Variants in WWOX observed in about 807,000 individuals in gnomAD.
WWOX encodes the protein WW domain containing oxidoreductase, also known as WW domain-containing oxidoreductase.
A neutral mutation model predicts 46.2 loss-of-function variants in WWOX; 69 were observed. The observed-to-expected ratio is 1.49, with a 90% confidence interval of 1.23 to 1.82. The LOEUF (loss-of-function observed/expected upper bound fraction) is 1.82, where lower values mean the gene tolerates loss of function less well. WWOX is among the 40% of genes most tolerant of loss of function. The pLI, the probability that WWOX is intolerant of heterozygous loss-of-function variation, is 0.00. For missense variants in WWOX, 919 were observed against 542.6 expected (o/e 1.69, Z -6.89); for synonymous variants, 359 against 202.6 (o/e 1.77, Z -6.56).
intron 5 of WWOX, among the ~76,000 whole-genome samples, chr16:78,296,973 A>G (rs2079952845): frequency 6.6e-6 from 1 of 152,146 alleles, no homozygotes; most frequent in Non-Finnish European, 1.5e-5. Flanking sequence ...TCTTTTGCTT[A>G]TTTGCTAATG....
intron 8 of WWOX, among the ~76,000 whole-genome samples, chr16:79,184,273 A>T (rs1167892876): frequency 6.6e-6 from 1 of 152,230 alleles, no homozygotes; most frequent in Non-Finnish European, 1.5e-5. Flanking sequence ...CACACAGAAG[A>T]GTCCAATTTT....
At chr16:78,991,438 A>T (rs1182996612) in intron 8 of WWOX, among the ~76,000 whole-genome samples, 2 of 151,502 alleles carry the variant, frequency 1.3e-5, no homozygotes, top group East Asian at 1.9e-4. Context: ...TATAAATAAT[A>T]AAAAAATTAA....
At chr16:78,634,892 G>A (rs375378045) in intron 8 of WWOX, among the ~76,000 whole-genome samples, 9 of 149,360 alleles carry the variant, frequency 6.0e-5, no homozygotes, top group Non-Finnish European at 8.9e-5. Flanking sequence ...ATGTGTATAC[G>A]CTGGTGTTTA....
rs369650265 is a variant in WWOX at position 78,660,181 on chromosome 16, T to C, written c.1056+227429T>C. 2.0e-5 allele frequency among the ~76,000 whole-genome samples: 3 copies of C among 152,208 alleles called. No individual in the cohort carries two copies. In the East Asian group the frequency reaches 5.8e-4, roughly 29 times the overall value. On this transcript the variant is annotated intron_variant, in intron 8 of 8. Coordinates refer to ENST00000566780, the MANE Select transcript of WWOX (RefSeq NM_016373.4). ...TGTGGACTGTGCTGCTTTTTTTGTTTTTAATTACAGGTTATATAAAATATT... is the reference window on the plus strand; with the variant it reads ...TGTGGACTGTGCTGCTTTTTTTGTTCTTAATTACAGGTTATATAAAATATT...
intron 1 of WWOX, among the ~76,000 whole-genome samples, chr16:78,105,687 T>G (rs1342221618): frequency 6.6e-6 from 1 of 152,240 alleles, no homozygotes; most frequent in East Asian, 1.9e-4. Context: ...GGGCCAGGCA[T>G]GAGGCTACAT....
At chr16:78,871,368 T>G (rs1431217879) in intron 8 of WWOX, among the ~76,000 whole-genome samples, 1 of 152,150 alleles carries the variant, frequency 6.6e-6, no homozygotes, top group Admixed American at 6.5e-5. Context: ...ATGCCTGGAT[T>G]AAAGCCTTGT....
chr16:79,042,354 G>A (rs1274374139), intron 8 of WWOX, among the ~76,000 whole-genome samples: 1 of 152,264 alleles, frequency 6.6e-6, no homozygotes. Context: ...TGACTTTGTT[G>A]CCTAGCAGGG....
chr16:78,214,716 C>G (rs1567433243), intron 5 of WWOX, among the ~76,000 whole-genome samples: 1 of 152,128 alleles, frequency 6.6e-6, no homozygotes, highest in East Asian at 1.9e-4. Flanking sequence ...ACGCTCCATT[C>G]AGTTTGACCC....
intron 5 of WWOX, among the ~76,000 whole-genome samples, chr16:78,200,114 TCGC>T (rs1434957106): frequency 6.6e-6 from 1 of 152,132 alleles, no homozygotes; most frequent in Non-Finnish European, 1.5e-5. Context: ...TTACTGAGTG[TCGC>T]CAAGAGATTT....
rs79612478 is a variant in WWOX, at chr16:78,810,354, T to G, written c.1056+377602T>G. On this transcript the variant is annotated intron_variant, in intron 8 of 8. Transcript: ENST00000566780. ...TACCCTGCCTCATATGATCAGCCGG[T>G]ATATTTATGTGGACACATGCAGCCA... is the stretch of plus-strand genomic sequence containing the variant. Among the ~76,000 whole-genome samples, 1,231 of 152,312 alleles carry G rather than the reference T, an allele frequency of 8.1e-3. 16 individuals are homozygous for G. Among genetic ancestry groups the G allele is most frequent in the African/African-American group, 0.028 (1,175 of 41,570 alleles).
chr16:78,809,323 A>G lies in WWOX; in HGVS notation c.1056+376571A>G, dbSNP rs187869358. Among the ~76,000 whole-genome samples the G allele has an allele frequency of 7.9e-5, 12 of 151,806 alleles. No individual in the cohort carries two copies. The East Asian group carries it at 9.7e-4, about 12-fold the overall frequency. On this transcript the variant is annotated intron_variant, in intron 8 of 8. Transcript: ENST00000566780. ...CCAATAGAGATCTTGAAAAAAAAAAAAAAAAAGAAAAAACCACCGTGGTAT... is the reference window on the plus strand; with the variant it reads ...CCAATAGAGATCTTGAAAAAAAAAAGAAAAAAGAAAAAACCACCGTGGTAT...
At chr16:79,169,934 C>A (rs767921486) in intron 8 of WWOX, among the ~76,000 whole-genome samples, 1 of 152,152 alleles carries the variant, frequency 6.6e-6, no homozygotes, top group African/African-American at 2.4e-5. Context: ...GATGGCCATG[C>A]ACAGTGGCTC....
intron 8 of WWOX, among the ~76,000 whole-genome samples, chr16:79,020,510 C>T (rs1321666584): frequency 1.3e-5 from 2 of 152,164 alleles, no homozygotes. Context: ...CAACAGTAAT[C>T]CAACCACAGT....
chr16:78,197,302 C>A (rs538356119), intron 5 of WWOX, among the ~76,000 whole-genome samples: 1 of 152,168 alleles, frequency 6.6e-6, no homozygotes, highest in African/African-American at 2.4e-5. Flanking sequence ...GTTTCTAATA[C>A]GATATTATAC....
intron 8 of WWOX, among the ~76,000 whole-genome samples, chr16:78,802,719 C>G (rs536074691): frequency 2.0e-5 from 3 of 151,470 alleles, no homozygotes; most frequent in African/African-American, 7.3e-5. Context: ...AGTTCAAGAT[C>G]AGCCTGGGCA....
Position 78,528,041 on chromosome 16 carries a change from C to T in WWOX, c.1056+95289C>T, listed in dbSNP as rs1412348575. Among the ~76,000 whole-genome samples the T allele has an allele frequency of 6.6e-5, 7 of 105,474 alleles. No homozygotes were observed. The East Asian group carries it at 1.3e-3, about 19-fold the overall frequency. The allele number at this position is 105,474 out of a possible 152,430, so 69.2% of individuals were successfully genotyped here. A position where few individuals can be genotyped will look rare whatever the true frequency, so the allele number is the denominator to read the frequency against. On this transcript the variant is annotated intron_variant, in intron 8 of 8. Transcript: ENST00000566780. ...TGAGACGGAGTCTTGCTCTGTCGCCCAGGCTGGAGTGCAGTGGCGTAATCT... is the reference window on the plus strand; with the variant it reads ...TGAGACGGAGTCTTGCTCTGTCGCCTAGGCTGGAGTGCAGTGGCGTAATCT...
chr16:79,207,561 T>C (rs2051558141), intron 8 of WWOX, among the ~76,000 whole-genome samples: 1 of 152,256 alleles, frequency 6.6e-6, no homozygotes, highest in Non-Finnish European at 1.5e-5. Context: ...TCTTAGAACA[T>C]CTACTCTCTC....
intron 4 of WWOX, among the ~76,000 whole-genome samples, chr16:78,128,379 A>T (rs2151692971): frequency 6.6e-6 from 1 of 152,310 alleles, no homozygotes; most frequent in Middle Eastern, 3.4e-3. Context: ...GATATTCAGG[A>T]GCAGAAACTT....
At chr16:78,169,965 G>T (rs146388147) in intron 5 of WWOX, among the ~76,000 whole-genome samples, 2 of 152,302 alleles carry the variant, frequency 1.3e-5, no homozygotes, top group East Asian at 1.9e-4. Flanking sequence ...ATCAGCATCT[G>T]CTGGACATTG....
Sources: allele counts gnomAD v4.1 joint callset (sites outside exome capture counted in the v4.1 genomes callset), GRCh38; gene constraint gnomAD v4.1.1; transcripts MANE v1.5; gene names NCBI Gene and HGNC (gene_info 2026-07-23, HGNC 2026-07-21).